The following PPFIA4 variants were observed in gnomAD, a reference collection of about 807,000 sequenced individuals.
PPFIA4 encodes PPFI scaffold protein A4, also known as liprin-alpha-4.
PPFIA4 carries 98 observed loss-of-function variants against 145.7 expected under a neutral mutation model. The observed-to-expected ratio is 0.67, with a 90% CI of 0.57 to 0.80. The LOEUF is 0.80. Ranked by LOEUF, PPFIA4 falls within the 30% of genes least tolerant of loss-of-function variation. The probability of loss-of-function intolerance (pLI) is 0.00; values close to 1 mark genes in which losing one functional copy is unlikely to be tolerated. For missense variants in PPFIA4, 1,457 were observed against 1,632.7 expected, an observed-to-expected ratio of 0.89 and a Z score of 1.85; for synonymous variants, 628 against 649.6, an observed-to-expected ratio of 0.97 and a Z score of 0.51.
At chr1:203,050,150 T>C (rs767385818) in intron 13 of PPFIA4, among the ~76,000 whole-genome samples, 9 of 151,984 alleles carry the variant, frequency 5.9e-5, no homozygotes, top group African/African-American at 1.7e-4. Flanking sequence ...CTCTTGAGAG[T>C]CAAGGACCAC....
Position 203,060,417 on chromosome 1 carries a change from T to A in PPFIA4, c.2784T>A (p.Thr928=). 1 of 1,612,610 alleles carries A rather than the reference T, an allele frequency of 6.2e-7. No homozygotes were observed. Among genetic ancestry groups the A allele is most frequent in the Non-Finnish European group, 8.5e-7 (1 of 1,179,786 alleles). ...CCTCTGCCCCACCCACCTCCAGGAC[T>A]GTGAGTGGCCCCTCCTTTGCCCAGG... is the stretch of plus-strand genomic sequence containing the variant. The part of the protein sequence containing the change: ...TSPSAPPTSR[T]SSGNVWVTHE... The change falls in exon 22 of 30, where the codon ACT becomes ACA. Residue 928 remains threonine (T), a splice_region_variant and synonymous_variant. Transcript: ENST00000295706. The surrounding 1 kb of genome is among the most constrained non-coding windows in gnomAD (Gnocchi z 4.8).
chr1:203,063,593 T>C (rs1661538498), intron 24 of PPFIA4: 1 of 461,022 alleles, frequency 2.2e-6, no homozygotes, highest in Admixed American at 3.8e-5. Context: ...GTGTAGATAA[T>C]TGATATGTGA....
At chr1:203,063,796 C>G in intron 24 of PPFIA4, 32 bp from the exon 25 acceptor site, 1 of 1,612,528 alleles carries the variant, frequency 6.2e-7, no homozygotes, top group South Asian at 1.1e-5. Flanking sequence ...CCTTCCTCCC[C>G]CATAATAGCC....
At chr1:203,039,831 C>T (rs1659573636) in intron 2 of PPFIA4, among the ~76,000 whole-genome samples, 1 of 152,226 alleles carries the variant, frequency 6.6e-6, no homozygotes, top group Non-Finnish European at 1.5e-5. Context: ...TCTTACAACC[C>T]TGAAGTTGGT....
chr1:203,043,408 C>A lies in PPFIA4; in HGVS notation c.246C>A (p.Thr82=). Residue 82 remains threonine (T), a synonymous_variant, in exon 3 of 30, where the codon ACC becomes ACA. Coordinates refer to ENST00000295706, the MANE Select transcript of PPFIA4 (RefSeq NM_001304331.2). This position sits in a 1 kb window ranked among gnomAD's most constrained non-coding sequence, Gnocchi z 4.4. ...LNSALPQEFA[T]LTRELSMCRE... is the part of the protein sequence containing the mutation. Reference sequence around the variant, plus strand: ...TTGGGGGTTTTCAGGAATTTGCCACCTTAACCCGGGAGCTGAGCATGTGTC... The same window carrying A: ...TTGGGGGTTTTCAGGAATTTGCCACATTAACCCGGGAGCTGAGCATGTGTC... The A allele has an allele frequency of 6.2e-7, 1 of 1,610,164 alleles. No homozygotes were observed. The highest frequency in any genetic ancestry group is 8.5e-7 in the Non-Finnish European group (1 of 1,178,664).
At position 203,068,046 on chromosome 1, in the gene PPFIA4, G is replaced by C. The variant is rs758169406; in HGVS notation, c.3148+254G>C. Among the ~76,000 whole-genome samples the C allele has an allele frequency of 6.6e-6, 1 of 152,212 alleles. No homozygotes were observed. The highest frequency in any genetic ancestry group is 2.4e-5 in the African/African-American group (1 of 41,432). On this transcript the variant is annotated intron_variant, in intron 26 of 29. Transcript: ENST00000295706. This position sits in a 1 kb window ranked among gnomAD's most constrained non-coding sequence, Gnocchi z 4.7. ...TGGACAAATGCAGTGAATCCTCTGG[G>C]ACGGTGTTATAGACTGGTGTGCCTG...
intron 16 of PPFIA4, 58 bp from the exon 17 acceptor site, chr1:203,056,062 G>C (rs1660920578): frequency 6.3e-7 from 1 of 1,594,790 alleles, no homozygotes; most frequent in African/African-American, 1.3e-5. Flanking sequence ...CTCCCCTGGG[G>C]TTGGCTCTAG....
chr1:203,028,524 C>T (rs1658583905), intron 1 of PPFIA4, among the ~76,000 whole-genome samples: 1 of 152,102 alleles, frequency 6.6e-6, no homozygotes, highest in South Asian at 2.1e-4. Context: ...AAGATATGGG[C>T]AGCTAGCCGA....
Position 203,075,917 on chromosome 1 carries a change from G to T in PPFIA4, c.3574+160G>T, listed in dbSNP as rs1571751500. On this transcript the variant is annotated intron_variant, in intron 29 of 29. Coordinates refer to ENST00000295706, the MANE Select transcript of PPFIA4 (RefSeq NM_001304331.2). The surrounding 1 kb of genome is among the most constrained non-coding windows in gnomAD (Gnocchi z 4.1). ...AACGCTCCGCGGGGAGCGTGTGTGC[G>T]CACTAACCCGCCGCTCTGTGTGTTC... 1.4e-6 allele frequency: 1 copy of T among 708,674 alleles called. No individual in the cohort carries two copies. The highest frequency in any genetic ancestry group is 2.1e-6 in the Non-Finnish European group (1 of 481,304). The allele number at this position is 708,674 out of a possible 1,614,324, so 43.9% of individuals were successfully genotyped here. A position where few individuals can be genotyped will look rare whatever the true frequency, so the allele number is the denominator to read the frequency against.
At position 203,046,399 on chromosome 1, in the gene PPFIA4, C is replaced by T; in HGVS notation, c.1140+17C>T. 1 of 1,575,680 alleles carries T rather than the reference C, an allele frequency of 6.3e-7. No individual in the cohort carries two copies. On this transcript the variant is annotated intron_variant, in intron 9 of 29. Coordinates refer to ENST00000295706, the MANE Select transcript of PPFIA4 (RefSeq NM_001304331.2). ...CTCACCAAGGCAAGTGGGCCAGGGG[C>T]CTGGGATCTGCCTCTGTCCCCCATG...
At chr1:203,030,933 A>C (rs1658781202) in intron 1 of PPFIA4, among the ~76,000 whole-genome samples, 1 of 150,586 alleles carries the variant, frequency 6.6e-6, no homozygotes, top group Admixed American at 6.6e-5. Flanking sequence ...TGATGTACTT[A>C]TGACCACACA....
intron 27 of PPFIA4, among the ~76,000 whole-genome samples, chr1:203,071,359 G>C (rs1662146454): frequency 6.6e-6 from 1 of 151,206 alleles, no homozygotes. Flanking sequence ...TTTTCGTAGA[G>C]ACGGGGTTTC....
chr1:203,033,922 T>C (rs12410208), intron 1 of PPFIA4, among the ~76,000 whole-genome samples: 8,690 of 152,230 alleles, frequency 0.057, 626 homozygotes, highest in African/African-American at 0.16. Context: ...GGTGGCCATG[T>C]CAGTCCTGTT....
At position 203,048,867 on chromosome 1, in the gene PPFIA4, C is replaced by T. The variant is rs1458144712; in HGVS notation, c.1357-51C>T. The T allele has an allele frequency of 2.6e-6, 4 of 1,542,634 alleles. No individual in the cohort carries two copies. In the African/African-American group the frequency reaches 4.1e-5, roughly 16 times the overall value. On this transcript the variant is annotated intron_variant, in intron 11 of 29. Transcript: ENST00000295706. This position sits in a 1 kb window ranked among gnomAD's most constrained non-coding sequence, Gnocchi z 5.8. ...AGACTGCACACCCAGAGGCTCAGGT[C>T]TGGAATGGGAGAGGAAGGCAGGGGC...
chr1:203,074,790 G>T (rs918818904), intron 28 of PPFIA4, among the ~76,000 whole-genome samples: 1 of 152,088 alleles, frequency 6.6e-6, no homozygotes, highest in Non-Finnish European at 1.5e-5. Context: ...ATCCTGTAGG[G>T]TTGTGGCCCT....
chr1:203,050,206 G>A (rs1405672338), intron 13 of PPFIA4, among the ~76,000 whole-genome samples: 1 of 152,206 alleles, frequency 6.6e-6, no homozygotes. Flanking sequence ...AGATTGGAAT[G>A]AAGCATCAGA....
rs1183655081 is a variant in PPFIA4 at position 203,043,933 on chromosome 1, G to A, written c.339G>A (p.Leu113=). 2 of 1,599,334 alleles carry A rather than the reference G, an allele frequency of 1.3e-6. No homozygotes were observed. Among genetic ancestry groups the A allele is most frequent in the Non-Finnish European group, 1.7e-6 (2 of 1,172,168 alleles). Residue 113 remains leucine (L), a splice_region_variant and synonymous_variant, in exon 4 of 30, where the codon CTG becomes CTA. Coordinates refer to ENST00000295706, the MANE Select transcript of PPFIA4 (RefSeq NM_001304331.2). The surrounding 1 kb of genome is among the most constrained non-coding windows in gnomAD (Gnocchi z 4.4). ...CCCTCCCCTGCTCTCCCTGCCAGCTGCTTCTGGAACATCTGGAGTGCCTGG... is the reference window on the plus strand; with the variant it reads ...CCCTCCCCTGCTCTCCCTGCCAGCTACTTCTGGAACATCTGGAGTGCCTGG... The part of the protein sequence containing the change: ...ELKAERNNTR[L]LLEHLECLVS...
chr1:203,043,518 T>C lies in PPFIA4; in HGVS notation c.336+20T>C, dbSNP rs774203505. The C allele has an allele frequency of 8.2e-6, 13 of 1,591,822 alleles. No homozygotes were observed. The highest frequency in any genetic ancestry group is 1.1e-5 in the Non-Finnish European group (13 of 1,168,130). On this transcript the variant is annotated intron_variant, in intron 3 of 29. Coordinates refer to ENST00000295706, the MANE Select transcript of PPFIA4 (RefSeq NM_001304331.2). The surrounding 1 kb of genome is among the most constrained non-coding windows in gnomAD (Gnocchi z 4.4). ...ACACGGGTAAGTGGGGATGACCTTG[T>C]GTCGCGCGCGCGCACGTGTGTGTGT...
intron 15 of PPFIA4, among the ~76,000 whole-genome samples, chr1:203,054,510 G>A (rs555609920): frequency 6.6e-6 from 1 of 152,262 alleles, no homozygotes; most frequent in East Asian, 1.9e-4. Flanking sequence ...GACAGGGAAC[G>A]TTGTGAAAAC....
Sources: gnomAD v4.1 joint callset for allele counts (sites outside exome capture counted in the v4.1 genomes callset) on GRCh38, gnomAD v4.1.1 for gene constraint, Gnocchi (gnomAD v3.1) non-coding constraint, MANE v1.5 for transcripts, NCBI Gene and HGNC (gene_info 2026-07-23, HGNC 2026-07-21) for gene names.